Variants in BCO1 observed in about 807,000 individuals in gnomAD.
BCO1 encodes the protein beta,beta-carotene 15,15'-dioxygenase.
BCO1 carries 54 observed loss-of-function variants against 56.3 expected under a neutral mutation model. That is an observed-to-expected ratio of 0.96 (90% CI 0.77 to 1.20). BCO1 has a LOEUF of 1.20. Ranked by LOEUF, BCO1 falls within the 50% of genes most tolerant of loss-of-function variation. The pLI is 0.00. For missense variants in BCO1, 801 were observed against 690.9 expected (o/e 1.16, Z -1.79); for synonymous variants, 318 against 266.1 (o/e 1.20, Z -1.90).
chr16:81,274,381 A>G (rs1907424396), intron 7 of BCO1, among the ~76,000 whole-genome samples: 1 of 147,804 alleles, frequency 6.8e-6, no homozygotes, highest in Non-Finnish European at 1.5e-5. Flanking sequence ...CTGCTGCCTC[A>G]GCCTCCCTAG....
intron 5 of BCO1, among the ~76,000 whole-genome samples, chr16:81,265,382 CCATT>C (rs1906749265): frequency 6.7e-6 from 1 of 148,816 alleles, no homozygotes; most frequent in African/African-American, 2.5e-5. Context: ...CACCATGAAT[CCATT>C]CAACCATCTA....
chr16:81,245,874 T>C (rs1567698084), intron 2 of BCO1, among the ~76,000 whole-genome samples: 2 of 108,952 alleles, frequency 1.8e-5, no homozygotes, highest in African/African-American at 4.0e-5. Context: ...TTTTTTTTTT[T>C]TCTCTGAGAC....
chr16:81,270,137 C>T (rs200837793), intron 6 of BCO1, 22 bp from the exon 7 acceptor site: 2 of 1,613,932 alleles, frequency 1.2e-6, no homozygotes, highest in African/African-American at 1.3e-5. Context: ...GAGCTGAGCC[C>T]TTGATATGTG....
chr16:81,278,608 C>G (rs1457920276), intron 7 of BCO1, among the ~76,000 whole-genome samples: 1 of 152,182 alleles, frequency 6.6e-6, no homozygotes, highest in African/African-American at 2.4e-5. Flanking sequence ...GAGATAATTA[C>G]AGCTCAGGGC....
chr16:81,273,478 G>A (rs532775024), intron 7 of BCO1, among the ~76,000 whole-genome samples: 2 of 152,180 alleles, frequency 1.3e-5, no homozygotes, highest in East Asian at 1.9e-4. Context: ...CACCCTCCCA[G>A]CCAGCGGGCA....
At chr16:81,279,274 G>T (rs1907730427) in intron 7 of BCO1, among the ~76,000 whole-genome samples, 1 of 152,114 alleles carries the variant, frequency 6.6e-6, no homozygotes, top group Non-Finnish European at 1.5e-5. Flanking sequence ...GCAAGACCCT[G>T]TCCCAAAATA....
At chr16:81,248,264 G>T (rs144559173) in intron 2 of BCO1, among the ~76,000 whole-genome samples, 1 of 151,814 alleles carries the variant, frequency 6.6e-6, no homozygotes, top group Non-Finnish European at 1.5e-5. Context: ...TTAGCTGAGC[G>T]TTGTGGTGAG....
At chr16:81,262,330 G>C (rs1176341907) in intron 4 of BCO1, 47 bp downstream of exon 4, 1 of 1,589,862 alleles carries the variant, frequency 6.3e-7, no homozygotes. Flanking sequence ...TCAAGAAAGG[G>C]AGAGTCGGCG....
In BCO1 at chr16:81,259,689, C is replaced by T. The variant is rs774161165; in HGVS notation, c.207C>T (p.Tyr69=). ...SFTIRDGEVY[Y]RSKYLRSDTY... ...CTTCTCTTGCAGGTGAAGTCTATTA[C>T]AGGAGCAAATACCTGAGAAGCGATA... Residue 69 remains tyrosine, a synonymous_variant, in exon 3 of 11, where the codon TAC becomes TAT. Transcript: ENST00000258168. The T allele has an allele frequency of 2.5e-6, 4 of 1,614,108 alleles. No individual in the cohort carries two copies. In the African/African-American group the frequency reaches 4.0e-5, roughly 16 times the overall value.
At chr16:81,277,095 A>G (rs1043872517) in intron 7 of BCO1, among the ~76,000 whole-genome samples, 1 of 151,948 alleles carries the variant, frequency 6.6e-6, no homozygotes, top group Admixed American at 6.6e-5. Flanking sequence ...GTAAAATAAA[A>G]TAAAATTAAA....
Position 81,270,407 on chromosome 16 carries a change from C to G in BCO1, c.1092C>G (p.His364Gln). The G allele has an allele frequency of 6.2e-7, 1 of 1,614,008 alleles. No homozygotes were observed. The highest frequency in any genetic ancestry group is 8.5e-7 in the Non-Finnish European group (1 of 1,180,018). The part of the protein sequence containing the change: ...PTLRRFAVPL[H>Q]VDKNAEVGTN... Reference sequence around the variant, plus strand: ...TCAGGAGGTTTGCCGTGCCCCTCCACGTGGACAAGGTAATGGCTTCCAAGG... The same window carrying G: ...TCAGGAGGTTTGCCGTGCCCCTCCAGGTGGACAAGGTAATGGCTTCCAAGG... Residue 364 changes from histidine to glutamine, a missense_variant, in exon 7 of 11, where the codon CAC (histidine) becomes CAG (glutamine). By Grantham distance (24) the His-to-Gln change is conservative. Transcript: ENST00000258168.
At chr16:81,268,559 G>A (rs970127703) in intron 6 of BCO1, among the ~76,000 whole-genome samples, 2 of 152,192 alleles carry the variant, frequency 1.3e-5, no homozygotes, top group African/African-American at 4.8e-5. Context: ...TGTAATGACA[G>A]TATGTTCCAC....
intron 2 of BCO1, 120 bp downstream of exon 2, chr16:81,245,723 A>C: frequency 1.5e-6 from 2 of 1,313,332 alleles, no homozygotes; most frequent in Admixed American, 2.0e-5. Flanking sequence ...ATCGGGTCTC[A>C]CTGAACTGAA....
intron 2 of BCO1, among the ~76,000 whole-genome samples, chr16:81,246,297 C>G (rs1294531867): frequency 6.6e-6 from 1 of 152,102 alleles, no homozygotes; most frequent in African/African-American, 2.4e-5. Context: ...TCTCCCATCT[C>G]AAAATCCTTA....
Position 81,290,491 on chromosome 16 carries a change from G to A in BCO1, c.1558G>A (p.Asp520Asn), listed in dbSNP as rs750474504. 3.1e-6 allele frequency: 5 copies of A among 1,614,184 alleles called. No individual in the cohort carries two copies. The East Asian group carries it at 1.1e-4, about 36-fold the overall frequency. ...HMDLHGLFIT[D>N]MDWDTKKQAA... ...GGATCTCCATGGATTATTCATTACA[G>A]ACATGGACTGGGACACAAAAAAGCA... The change falls in exon 11 of 11, where the codon GAC (aspartate) becomes AAC (asparagine). Residue 520 changes from aspartate (D) to asparagine (N), a missense_variant. Asp to Asn is a conservative substitution (Grantham distance 23). Transcript: ENST00000258168.
rs1597363788 is a variant in BCO1, at chr16:81,268,067, T to C, written c.779T>C (p.Met260Thr). The change falls in exon 6 of 11, where the codon ATG (methionine) becomes ACG (threonine). Residue 260 changes from methionine to threonine, a missense_variant. By Grantham distance (81) the Met-to-Thr change is moderately conservative. Coordinates refer to ENST00000258168, the MANE Select transcript of BCO1 (RefSeq NM_017429.3). ...CCTTTCAGGTTGGATATTCTCAAGATGGCAACCGCATACATCCGGAGAATG... is the reference window on the plus strand; with the variant it reads ...CCTTTCAGGTTGGATATTCTCAAGACGGCAACCGCATACATCCGGAGAATG... Reference protein sequence around the residue: ...EQPFRLDILKMATAYIRRMSW... With the variant: ...EQPFRLDILKTATAYIRRMSW... 4 of 1,613,112 alleles carry C rather than the reference T, an allele frequency of 2.5e-6. No homozygotes were observed. Among genetic ancestry groups the C allele is most frequent in the Admixed American group, 1.7e-5 (1 of 59,984 alleles).
intron 1 of BCO1, among the ~76,000 whole-genome samples, chr16:81,242,788 C>A (rs1005708375): frequency 6.6e-6 from 1 of 152,126 alleles, no homozygotes; most frequent in Non-Finnish European, 1.5e-5. Flanking sequence ...CTGTTAGGAA[C>A]CGGGCCGCAC....
At position 81,289,295 on chromosome 16, in the gene BCO1, G is replaced by A. The variant is rs554351166; in HGVS notation, c.1415-1053G>A. On this transcript the variant is annotated intron_variant, in intron 10 of 10. Coordinates refer to ENST00000258168, the MANE Select transcript of BCO1 (RefSeq NM_017429.3). ...GTATTTCCATTTTACAGAGGGGAAG[G>A]ATGAGTTTAGTAGCACTGCTACATG... is the stretch of plus-strand genomic sequence containing the variant. Among the ~76,000 whole-genome samples, 11 of 152,284 alleles carry A rather than the reference G, an allele frequency of 7.2e-5. No homozygotes were observed. In the South Asian group the frequency reaches 2.3e-3, roughly 32 times the overall value.
At chr16:81,239,764 A>G (rs895379617) in intron 1 of BCO1, among the ~76,000 whole-genome samples, 3 of 152,128 alleles carry the variant, frequency 2.0e-5, no homozygotes, top group African/African-American at 4.8e-5. Context: ...AGGACCTTCT[A>G]TCCTTTAGAG....
Sources: gnomAD v4.1 joint callset for allele counts (sites outside exome capture counted in the v4.1 genomes callset) on GRCh38, gnomAD v4.1.1 for gene constraint, MANE v1.5 for transcripts, NCBI Gene and HGNC (gene_info 2026-07-23, HGNC 2026-07-21) for gene names.